The following PEX5L variants were observed in gnomAD, a reference collection of about 807,000 sequenced individuals.
PEX5L encodes peroxisomal biogenesis factor 5 like, also known as PEX5-related protein.
Under a neutral mutation model 84.0 loss-of-function variants are expected in PEX5L, and 30 were observed. The ratio of observed to expected loss-of-function variants is 0.36; its 90% CI spans 0.27 to 0.48. PEX5L has a LOEUF of 0.48. Among genes scored for constraint, PEX5L ranks in the 20% least tolerant of loss-of-function variants. The probability of loss-of-function intolerance (pLI) is 0.99; values close to 1 mark genes in which losing one functional copy is unlikely to be tolerated. For synonymous variants in PEX5L, 270 were observed against 283.1 expected, an observed-to-expected ratio of 0.95 and a Z score of 0.46; for missense variants, 533 against 754.6, an observed-to-expected ratio of 0.71 and a Z score of 3.44.
chr3:179,867,160 C>A (rs952703357), intron 7 of PEX5L, among the ~76,000 whole-genome samples: 1 of 151,820 alleles, frequency 6.6e-6, no homozygotes, highest in African/African-American at 2.4e-5. Context: ...CTTCAACTAC[C>A]AAATTCTATG....
chr3:179,821,558 G>C (rs906973180), intron 8 of PEX5L, among the ~76,000 whole-genome samples: 5 of 152,180 alleles, frequency 3.3e-5, no homozygotes, highest in African/African-American at 1.2e-4. Flanking sequence ...AGTAGCTCTT[G>C]CTCTTGCTTT....
intron 2 of PEX5L, among the ~76,000 whole-genome samples, chr3:179,920,123 GCT>G (rs956681150): frequency 2.0e-5 from 3 of 152,204 alleles, no homozygotes; most frequent in African/African-American, 7.2e-5. Context: ...CAGGCTCCCT[GCT>G]CTCACATTTA....
chr3:179,971,558 T>C (rs1784742355), intron 2 of PEX5L, 36 bp downstream of exon 2: 1 of 1,588,096 alleles, frequency 6.3e-7, no homozygotes, highest in South Asian at 1.2e-5. Flanking sequence ...AAATATACAG[T>C]AGAACAGTAG....
chr3:179,838,461 T>C (rs988814183), intron 8 of PEX5L, among the ~76,000 whole-genome samples: 2 of 152,218 alleles, frequency 1.3e-5, no homozygotes, highest in Non-Finnish European at 1.5e-5. Flanking sequence ...CAGTCACTTT[T>C]TTAAAAGCCA....
At chr3:179,945,868 CGCAGTATATTTCAT>C (rs1414639846) in intron 2 of PEX5L, among the ~76,000 whole-genome samples, 1 of 152,082 alleles carries the variant, frequency 6.6e-6, no homozygotes, top group Non-Finnish European at 1.5e-5. Context: ...CTCGAGGTCA[CGCAGTATATTTCAT>C]GCCTCTTGTG....
chr3:179,973,314 C>A, intron 1 of PEX5L: 1 of 1,259,488 alleles, frequency 7.9e-7, no homozygotes, highest in Non-Finnish European at 1.0e-6. Flanking sequence ...CAGAGAACCA[C>A]AGATCTTGCC....
chr3:179,914,513 G>T (rs1000109632), intron 2 of PEX5L, among the ~76,000 whole-genome samples: 1 of 152,056 alleles, frequency 6.6e-6, no homozygotes, highest in Non-Finnish European at 1.5e-5. Context: ...GTTGGATATT[G>T]GTTCTCATTC....
At chr3:179,822,604 C>CT (rs967113697) in intron 8 of PEX5L, among the ~76,000 whole-genome samples, 2 of 152,346 alleles carry the variant, frequency 1.3e-5, no homozygotes, top group African/African-American at 4.8e-5. Context: ...GCTGCTTCCT[C>CT]TCACTATTTT....
chr3:179,920,802 G>GAATT (rs1769091047), intron 2 of PEX5L, among the ~76,000 whole-genome samples: 1 of 152,080 alleles, frequency 6.6e-6, no homozygotes, highest in African/African-American at 2.4e-5. Flanking sequence ...CTTAATAAAT[G>GAATT]CTCGGAAAGT....
intron 10 of PEX5L, 84 bp from the exon 11 acceptor site, chr3:179,811,955 TC>T: frequency 9.5e-7 from 1 of 1,047,208 alleles, no homozygotes; most frequent in East Asian, 2.4e-5. Flanking sequence ...CTGTGATGGA[TC>T]CCCTATGCAG....
At chr3:179,943,614 C>T (rs543721178) in intron 2 of PEX5L, among the ~76,000 whole-genome samples, 2 of 152,324 alleles carry the variant, frequency 1.3e-5, no homozygotes, top group African/African-American at 4.8e-5. Context: ...ATGTGGTCTG[C>T]ATTCTGTGTG....
chr3:180,023,888 A>T (rs111436290), intron 1 of PEX5L, among the ~76,000 whole-genome samples: 25,127 of 146,730 alleles, frequency 0.17, 3,003 homozygotes, highest in African/African-American at 0.36. Flanking sequence ...CATACCTAGC[A>T]CCTTGGTAGA....
At chr3:179,948,669 T>C (rs113498373) in intron 2 of PEX5L, among the ~76,000 whole-genome samples, 19,013 of 152,154 alleles carry the variant, frequency 0.12, 1,627 homozygotes, top group Non-Finnish European at 0.19. Context: ...GGTAGGTGCA[T>C]ACTGTATTTC....
intron 8 of PEX5L, among the ~76,000 whole-genome samples, chr3:179,836,580 T>G (rs1018010486): frequency 5.3e-5 from 8 of 152,178 alleles, no homozygotes; most frequent in African/African-American, 1.9e-4. Context: ...TCTGTTTTCT[T>G]TAGCCTCTTT....
rs1171034649 is a variant in PEX5L at position 179,797,605 on chromosome 3, A to ATATATATATATATATATATAT, written c.*4222_*4223insATATATATATATATATATATA. The ATATATATATATATATATATAT allele has an allele frequency of 9.0e-5, 8 of 89,150 alleles. No individual in the cohort carries two copies. Among genetic ancestry groups the ATATATATATATATATATATAT allele is most frequent in the African/African-American group, 3.6e-4 (8 of 22,208 alleles). 5.5% of individuals were successfully genotyped at this position (89,150 alleles called of 1,614,324 possible). On this transcript the variant is annotated 3_prime_UTR_variant, in exon 15 of 15. Coordinates refer to ENST00000467460, the MANE Select transcript of PEX5L (RefSeq NM_016559.3). Reference sequence around the variant, plus strand: ...AACACTCTTTAAAAAAAAAAAAAAAAATATATATATATATATATATATATA... The same window carrying ATATATATATATATATATATAT: ...AACACTCTTTAAAAAAAAAAAAAAAATATATATATATATATATATATATATATATATATATATATATATATA...
Position 179,797,426 on chromosome 3 carries a change from T to C in PEX5L, c.*4402A>G, listed in dbSNP as rs1398760376. On this transcript the variant is annotated 3_prime_UTR_variant, in exon 15 of 15. Coordinates refer to ENST00000467460, the MANE Select transcript of PEX5L (RefSeq NM_016559.3). ...GAGACTTAATCATGCACTGTGTAAA[T>C]TTAAATTCAGTCAAGTTATCTTGCA... 1 of 152,094 alleles carries C rather than the reference T, an allele frequency of 6.6e-6. No homozygotes were observed. The highest frequency in any genetic ancestry group is 1.5e-5 in the Non-Finnish European group (1 of 68,006). The allele number at this position is 152,094 out of a possible 1,614,324, so 9.4% of individuals were successfully genotyped here.
chr3:179,950,393 T>C (rs1778766461), intron 2 of PEX5L, among the ~76,000 whole-genome samples: 1 of 152,012 alleles, frequency 6.6e-6, no homozygotes, highest in Admixed American at 6.6e-5. Flanking sequence ...GGGATAGCAT[T>C]AGGAGATATA....
chr3:179,933,432 C>A (rs925097880), intron 2 of PEX5L, among the ~76,000 whole-genome samples: 1 of 136,684 alleles, frequency 7.3e-6, no homozygotes, highest in African/African-American at 2.8e-5. Context: ...ATAATGGAGT[C>A]ATATACAATT....
At chr3:179,807,577 T>C in intron 14 of PEX5L, 97 bp downstream of exon 14, 1 of 1,190,564 alleles carries the variant, frequency 8.4e-7, no homozygotes, top group South Asian at 1.4e-5. Flanking sequence ...GGAATACTCC[T>C]ACCAAGGCAG....
Sources: allele counts gnomAD v4.1 joint callset (sites outside exome capture counted in the v4.1 genomes callset), GRCh38; gene constraint gnomAD v4.1.1; transcripts MANE v1.5; gene names NCBI Gene and HGNC (gene_info 2026-07-23, HGNC 2026-07-21).